Variants in LDLRAD4 observed in about 807,000 individuals in gnomAD.
The protein encoded by LDLRAD4 is low-density lipoprotein receptor class A domain-containing protein 4.
LDLRAD4 carries 5 observed loss-of-function variants against 17.0 expected under a neutral mutation model. The observed-to-expected ratio is 0.29, with a 90% CI of 0.15 to 0.62. The LOEUF (loss-of-function observed/expected upper bound fraction) is 0.62, where lower values mean the gene tolerates loss of function less well. Among genes scored for constraint, LDLRAD4 ranks in the 20% least tolerant of loss-of-function variants. The pLI is 0.84. For synonymous variants in LDLRAD4, 168 were observed against 171.8 expected (o/e 0.98, Z 0.17); for missense variants, 340 against 424.7 (o/e 0.80, Z 1.75).
chr18:13,429,228 G>A (rs1172459306), intron 2 of LDLRAD4, among the ~76,000 whole-genome samples: 2 of 152,202 alleles, frequency 1.3e-5, no homozygotes, highest in African/African-American at 2.4e-5. Flanking sequence ...GGGTCTCCAG[G>A]GACCTGGCCA....
chr18:13,343,926 GTTAT>G (rs1423953599), intron 1 of LDLRAD4, among the ~76,000 whole-genome samples: 3 of 152,152 alleles, frequency 2.0e-5, no homozygotes, highest in Non-Finnish European at 2.9e-5. Flanking sequence ...TTTTGATGGG[GTTAT>G]TTGTTTTTTT....
At chr18:13,383,130 G>A (rs542190988) in intron 1 of LDLRAD4, among the ~76,000 whole-genome samples, 12 of 152,246 alleles carry the variant, frequency 7.9e-5, no homozygotes, top group East Asian at 5.8e-4. Flanking sequence ...CTTGCCAGGC[G>A]CAGCTAGGGC....
intron 3 of LDLRAD4, among the ~76,000 whole-genome samples, chr18:13,571,889 G>C (rs1000387363): frequency 3.9e-5 from 6 of 152,178 alleles, no homozygotes; most frequent in Non-Finnish European, 8.8e-5. Flanking sequence ...ACCCGCCTCA[G>C]CCTCCCAAAG....
At chr18:13,312,746 A>G (rs969960827) in intron 1 of LDLRAD4, among the ~76,000 whole-genome samples, 2 of 152,194 alleles carry the variant, frequency 1.3e-5, no homozygotes, top group African/African-American at 4.8e-5. Context: ...TGTCTATAAA[A>G]AAAAGGAAAG....
chr18:13,586,592 GC>G, intron 3 of LDLRAD4, among the ~76,000 whole-genome samples: 1 of 151,646 alleles, frequency 6.6e-6, no homozygotes, highest in South Asian at 2.1e-4. Flanking sequence ...TGACTTTAAG[GC>G]AAGTCAATCT....
At chr18:13,443,495 G>C (rs1019362737) in intron 3 of LDLRAD4, among the ~76,000 whole-genome samples, 2 of 152,142 alleles carry the variant, frequency 1.3e-5, no homozygotes, top group Non-Finnish European at 2.9e-5. Flanking sequence ...CTATATTAGA[G>C]AATAGTCACC....
chr18:13,253,111 T>C (rs1346213670), intron 1 of LDLRAD4, among the ~76,000 whole-genome samples: 3 of 152,134 alleles, frequency 2.0e-5, no homozygotes, highest in African/African-American at 7.2e-5. Flanking sequence ...TGTGATCACA[T>C]TGCCTGGGCC....
At chr18:13,549,428 G>C (rs2094407568) in intron 3 of LDLRAD4, among the ~76,000 whole-genome samples, 1 of 152,078 alleles carries the variant, frequency 6.6e-6, no homozygotes, top group African/African-American at 2.4e-5. Context: ...GCCCATGGAA[G>C]GTACTGGGGA....
At position 13,503,402 on chromosome 18, in the gene LDLRAD4, G is replaced by A. The variant is rs60278256; in HGVS notation, c.181+65018G>A. Among the ~76,000 whole-genome samples, 1,178 of 152,276 alleles carry A rather than the reference G, an allele frequency of 7.7e-3. 20 individuals carry two copies. The highest frequency in any genetic ancestry group is 0.027 in the African/African-American group (1,105 of 41,526). ...CTGCCACCAGGTGCTTGAACAAACG[G>A]CCATGTGTATGAGGGTCCCTTCTCC... is the stretch of plus-strand genomic sequence containing the variant. On this transcript the variant is annotated intron_variant, in intron 3 of 5. Coordinates refer to ENST00000359446, the Ensembl canonical transcript of LDLRAD4.
chr18:13,452,501 A>T (rs1005663628), intron 3 of LDLRAD4, among the ~76,000 whole-genome samples: 2 of 152,120 alleles, frequency 1.3e-5, no homozygotes, highest in Admixed American at 1.3e-4. Context: ...GAGAGTGGAG[A>T]TGTGGACGGA....
chr18:13,386,057 C>G (rs901299436), intron 1 of LDLRAD4, among the ~76,000 whole-genome samples: 6 of 152,194 alleles, frequency 3.9e-5, no homozygotes, highest in Non-Finnish European at 2.9e-5. Context: ...TCACTACCTT[C>G]TGTTTATAGC....
chr18:13,557,663 G>T (rs1328379182), intron 3 of LDLRAD4, among the ~76,000 whole-genome samples: 1 of 152,248 alleles, frequency 6.6e-6, no homozygotes, highest in Non-Finnish European at 1.5e-5. Context: ...GCCTCCCAAA[G>T]TACTGTGATT....
At chr18:13,220,920 C>T (rs374973556) in intron 1 of LDLRAD4, among the ~76,000 whole-genome samples, 11 of 152,350 alleles carry the variant, frequency 7.2e-5, no homozygotes, top group African/African-American at 2.6e-4. Flanking sequence ...CATAAAGTCT[C>T]CTTGTGGTGG....
At chr18:13,492,784 A>G (rs1266556113) in intron 3 of LDLRAD4, among the ~76,000 whole-genome samples, 1 of 151,960 alleles carries the variant, frequency 6.6e-6, no homozygotes, top group Non-Finnish European at 1.5e-5. Context: ...CATTTTCTCC[A>G]TCCCCACAGC....
At chr18:13,236,242 G>T (rs1371090071) in intron 1 of LDLRAD4, among the ~76,000 whole-genome samples, 1 of 151,518 alleles carries the variant, frequency 6.6e-6, no homozygotes, top group Non-Finnish European at 1.5e-5. Flanking sequence ...CAGTTACACA[G>T]AGAAGCACTG....
intron 1 of LDLRAD4, among the ~76,000 whole-genome samples, chr18:13,348,933 A>G (rs1242079969): frequency 2.6e-5 from 4 of 152,220 alleles, no homozygotes; most frequent in Admixed American, 1.3e-4. Flanking sequence ...GCGCAGCATT[A>G]GGGTGGGAGA....
At chr18:13,359,665 G>A (rs1199786024) in intron 1 of LDLRAD4, among the ~76,000 whole-genome samples, 1 of 152,198 alleles carries the variant, frequency 6.6e-6, no homozygotes, top group Non-Finnish European at 1.5e-5. Flanking sequence ...CCTGGGAGTT[G>A]TCTCTCATGG....
intron 3 of LDLRAD4, among the ~76,000 whole-genome samples, chr18:13,548,453 C>T (rs1223052825): frequency 6.6e-6 from 1 of 152,216 alleles, no homozygotes; most frequent in African/African-American, 2.4e-5. Context: ...TTGTTGGCAC[C>T]CAAAGTCCAG....
chr18:13,265,228 C>T (rs541694494), intron 1 of LDLRAD4, among the ~76,000 whole-genome samples: 5 of 152,332 alleles, frequency 3.3e-5, no homozygotes, highest in Admixed American at 2.6e-4. Context: ...CTCCTCATAT[C>T]CTTCCCTGCG....
Sources: gnomAD v4.1 joint callset for allele counts (sites outside exome capture counted in the v4.1 genomes callset) on GRCh38, gnomAD v4.1.1 for gene constraint, MANE v1.5 for transcripts, NCBI Gene and HGNC (gene_info 2026-07-23, HGNC 2026-07-21) for gene names.